HDGFL2: variants seen among roughly 807,000 people sequenced by gnomAD.
HDGFL2 encodes the protein HDGF like 2, also known as hepatoma-derived growth factor-related protein 2.
In HDGFL2, 36 loss-of-function variants were observed where a neutral mutation model predicts 77.1. The ratio of observed to expected loss-of-function variants is 0.47; its 90% CI spans 0.36 to 0.62. HDGFL2 has a LOEUF of 0.62. HDGFL2 is among the 20% of genes least tolerant of loss of function. HDGFL2 has a pLI of 0.00. For synonymous variants in HDGFL2, 463 were observed against 413.1 expected (o/e 1.12, Z -1.46); for missense variants, 976 against 973.4 (o/e 1.00, Z -0.04).
At chr19:4,480,761 C>G (rs552121542) in intron 3 of HDGFL2, among the ~76,000 whole-genome samples, 1 of 152,220 alleles carries the variant, frequency 6.6e-6, no homozygotes, top group East Asian at 1.9e-4. Flanking sequence ...GTTGTATGAG[C>G]GGGTGGACCT....
In HDGFL2 at chr19:4,498,017, T is replaced by C; in HGVS notation, c.1388T>C (p.Val463Ala). ...RSEGFSMDRK[V>A]EKKKEPSVEE... ...GAGGGCTTCTCGATGGACAGGAAGG[T>C]AGAGAAGAAGAAAGGTGAGGCCTGG... Residue 463 changes from valine to alanine, a missense_variant, in exon 11 of 16, where the codon GTA becomes GCA. Coordinates refer to ENST00000616600, the MANE Select transcript of HDGFL2 (RefSeq NM_001001520.3). 1 of 1,555,534 alleles carries C rather than the reference T, an allele frequency of 6.4e-7. No homozygotes were observed. The highest frequency in any genetic ancestry group is 1.4e-5 in the African/African-American group (1 of 73,336).
intron 3 of HDGFL2, chr19:4,486,238 T>G (rs1477311546): frequency 6.6e-6 from 1 of 152,026 alleles, no homozygotes; most frequent in Non-Finnish European, 1.5e-5. Context: ...TTGAGCTTGT[T>G]GTAACTGCGT....
rs1360672912 is a variant in HDGFL2 at position 4,488,828 on chromosome 19, C to G, written c.441C>G (p.Asp147Glu). 2.6e-6 allele frequency: 4 copies of G among 1,551,526 alleles called. No homozygotes were observed. The highest frequency in any genetic ancestry group is 3.9e-5 in the Admixed American group (2 of 50,960). The change falls in exon 4 of 16, where the codon GAC (aspartate) becomes GAG (glutamate). Residue 147 changes from aspartate (D) to glutamate (E), a missense_variant. By Grantham distance (45) the Asp-to-Glu change is conservative. Transcript: ENST00000616600. ...SDRMESDSDS[D>E]KSSDNSGLKR... ...GGATGGAGAGCGACTCAGACTCAGACAAGAGTAGCGACAACAGTGGCCTGA... is the reference window on the plus strand; with the variant it reads ...GGATGGAGAGCGACTCAGACTCAGAGAAGAGTAGCGACAACAGTGGCCTGA...
At chr19:4,500,726 G>A (rs1309489116) in intron 14 of HDGFL2, among the ~76,000 whole-genome samples, 1 of 152,126 alleles carries the variant, frequency 6.6e-6, no homozygotes, top group African/African-American at 2.4e-5. Flanking sequence ...CTCCCAAAGT[G>A]CTGGGATTAC....
At chr19:4,490,039 C>T (rs942018126) in intron 4 of HDGFL2, among the ~76,000 whole-genome samples, 37 of 152,176 alleles carry the variant, frequency 2.4e-4, no homozygotes, top group African/African-American at 8.4e-4. Flanking sequence ...CCAAGCGTGA[C>T]GTCCTCAGGG....
At chr19:4,473,003 G>A (rs1371071112) in intron 1 of HDGFL2, among the ~76,000 whole-genome samples, 2 of 150,870 alleles carry the variant, frequency 1.3e-5, no homozygotes, top group African/African-American at 4.9e-5. Flanking sequence ...GGCTCAGAGA[G>A]TCGCTCCCTG....
chr19:4,493,657 C>T, intron 6 of HDGFL2, 46 bp from the exon 7 acceptor site: 1 of 1,398,234 alleles, frequency 7.2e-7, no homozygotes, highest in Admixed American at 3.2e-5. Flanking sequence ...CCCCGCTTCT[C>T]ACGGTGGGGC....
In HDGFL2 at chr19:4,499,417, T is replaced by TGGGGCGAGGGGTTCAGAGCC. The variant is rs1975794664; in HGVS notation, c.1576-68_1576-49dup. 29 of 1,399,196 alleles carry TGGGGCGAGGGGTTCAGAGCC rather than the reference T, an allele frequency of 2.1e-5. No individual in the cohort carries two copies. In the East Asian group the frequency reaches 6.4e-4, roughly 31 times the overall value. 86.7% of individuals were successfully genotyped at this position (1,399,196 alleles called of 1,614,324 possible). ...AGGGGCTGCGGGAGGGGCGCATTGC[T>TGGGGCGAGGGGTTCAGAGCC]GGGGCGAGGGGTTCAGAGCCGGGGC... is the stretch of plus-strand genomic sequence containing the variant. On this transcript the variant is annotated intron_variant, in intron 13 of 15. Coordinates refer to ENST00000616600, the MANE Select transcript of HDGFL2 (RefSeq NM_001001520.3).
At chr19:4,483,453 A>G (rs1975275049) in intron 3 of HDGFL2, among the ~76,000 whole-genome samples, 1 of 152,166 alleles carries the variant, frequency 6.6e-6, no homozygotes, top group Non-Finnish European at 1.5e-5. Context: ...CCTCTTGACC[A>G]GCGCTGACGC....
chr19:4,492,224 T>C (rs1403923365), intron 6 of HDGFL2, among the ~76,000 whole-genome samples: 1 of 151,720 alleles, frequency 6.6e-6, no homozygotes, highest in Admixed American at 6.6e-5. Flanking sequence ...TCGACGTGCA[T>C]GTGTGTGTGT....
rs1975422895 is a variant in HDGFL2, at chr19:4,488,672, AC to A, written c.289-3del. On this transcript the variant is annotated splice_region_variant and splice_polypyrimidine_tract_variant and intron_variant, in intron 3 of 15. Transcript: ENST00000616600. Reference sequence around the variant, plus strand: ...ACGCGCGTTCTCTGCCCCGACTCCCACAGCCAGTGAGCTCCTCCGACAGCGA... The same window carrying A: ...ACGCGCGTTCTCTGCCCCGACTCCCAAGCCAGTGAGCTCCTCCGACAGCGA... 1.3e-6 allele frequency: 2 copies of A among 1,541,174 alleles called. No homozygotes were observed. Among genetic ancestry groups the A allele is most frequent in the Non-Finnish European group, 1.7e-6 (2 of 1,146,746 alleles).
chr19:4,491,020 G>C (rs1225697307), intron 4 of HDGFL2, among the ~76,000 whole-genome samples: 2 of 152,046 alleles, frequency 1.3e-5, no homozygotes, highest in Admixed American at 1.3e-4. Context: ...ATGTTGGTCA[G>C]GCTGGTCTCA....
chr19:4,491,249 ACCCACCCCCCCACCCC>A (rs1201078150), intron 4 of HDGFL2, among the ~76,000 whole-genome samples: 9,928 of 39,524 alleles, frequency 0.25, 470 homozygotes, highest in Middle Eastern at 0.27. Flanking sequence ...CACTCCCACC[ACCCACCCCCCCACCCC>A]CCCACCCCCC....
Position 4,496,347 on chromosome 19 carries a change from G to A in HDGFL2, c.1270G>A (p.Ala424Thr), listed in dbSNP as rs746168539. The change falls in exon 10 of 16, where the codon GCC becomes ACC. Residue 424 changes from alanine to threonine, a missense_variant. Transcript: ENST00000616600. ...GCCGCAGTCCTCAAGCACAGAGCCC[G>A]CCAGGAAACCTGGCCAGAAGGAGAA... ...KKPQSSSTEP[A>T]RKPGQKEKRV... 9.9e-6 allele frequency: 16 copies of A among 1,614,006 alleles called. No individual in the cohort carries two copies. The highest frequency in any genetic ancestry group is 5.3e-5 in the African/African-American group (4 of 74,936).
intron 4 of HDGFL2, among the ~76,000 whole-genome samples, chr19:4,490,898 G>A (rs939710653): frequency 1.3e-4 from 20 of 151,146 alleles, no homozygotes; most frequent in Admixed American, 2.6e-4. Flanking sequence ...CGCAACCTCT[G>A]CCTCCCAGGT....
At chr19:4,478,842 G>A (rs1975139885) in intron 3 of HDGFL2, among the ~76,000 whole-genome samples, 3 of 151,720 alleles carry the variant, frequency 2.0e-5, no homozygotes. Context: ...GTGCCACCAC[G>A]CCCGGCTAAT....
chr19:4,473,796 A>C (rs1182254596), intron 1 of HDGFL2, among the ~76,000 whole-genome samples: 6 of 151,554 alleles, frequency 4.0e-5, no homozygotes, highest in Non-Finnish European at 8.8e-5. Flanking sequence ...GACCCTGGGG[A>C]TTGGTCCCCT....
In HDGFL2 at chr19:4,498,290, C is replaced by T. The variant is rs533669937; in HGVS notation, c.1403-16C>T. 5.7e-5 allele frequency: 92 copies of T among 1,611,094 alleles called. 2 individuals are homozygous for T. In the Middle Eastern group the frequency reaches 6.9e-4, roughly 12 times the overall value. ...GCCCTGCCTGGGCCCACACGGTGCT[C>T]TCTCTCCTGGCCCAGAGCCCTCCGT... is the stretch of plus-strand genomic sequence containing the variant. On this transcript the variant is annotated splice_polypyrimidine_tract_variant and intron_variant, in intron 11 of 15. Coordinates refer to ENST00000616600, the MANE Select transcript of HDGFL2 (RefSeq NM_001001520.3).
chr19:4,499,476 T>A lies in HDGFL2; in HGVS notation c.1576-15T>A. ...CTGCACTTGGGTGAGCCAGGCCTCT[T>A]CTCTTGGTGGCCAGATTCGCCGTTA... is the stretch of plus-strand genomic sequence containing the variant. On this transcript the variant is annotated splice_polypyrimidine_tract_variant and intron_variant, in intron 13 of 15. Coordinates refer to ENST00000616600, the MANE Select transcript of HDGFL2 (RefSeq NM_001001520.3). 1 of 1,610,174 alleles carries A rather than the reference T, an allele frequency of 6.2e-7. No individual in the cohort carries two copies. Among genetic ancestry groups the A allele is most frequent in the Non-Finnish European group, 8.5e-7 (1 of 1,178,088 alleles).
Sources: allele counts gnomAD v4.1 joint callset (sites outside exome capture counted in the v4.1 genomes callset), GRCh38; gene constraint gnomAD v4.1.1; transcripts MANE v1.5; gene names NCBI Gene and HGNC (gene_info 2026-07-23, HGNC 2026-07-21).